Variants in METTL25 observed in about 807,000 individuals in gnomAD.
The protein encoded by METTL25 is probable methyltransferase-like protein 25.
METTL25 carries 64 observed loss-of-function variants against 71.6 expected under a neutral mutation model. That is an observed-to-expected ratio of 0.89 (90% CI 0.73 to 1.10). METTL25 has a LOEUF of 1.10. Ranked by LOEUF, METTL25 falls within the 50% of genes least tolerant of loss-of-function variation. The probability of loss-of-function intolerance (pLI) is 0.00; values close to 1 mark genes in which losing one functional copy is unlikely to be tolerated. For missense variants in METTL25, 807 were observed against 707.0 expected (o/e 1.14, Z -1.60); for synonymous variants, 287 against 250.3 (o/e 1.15, Z -1.38).
At chr12:82,396,751 T>G (rs1222346816) in intron 3 of METTL25, among the ~76,000 whole-genome samples, 10 of 152,100 alleles carry the variant, frequency 6.6e-5, no homozygotes, top group Non-Finnish European at 5.9e-5. Context: ...TTTTCTTGTG[T>G]GATTTTGTAG....
At position 82,403,038 on chromosome 12, in the gene METTL25, G is replaced by A. The variant is rs200057751; in HGVS notation, c.1187G>A (p.Arg396Gln). Residue 396 changes from arginine to glutamine, a missense_variant, in exon 5 of 12, where the codon CGA becomes CAA. Coordinates refer to ENST00000248306, the MANE Select transcript of METTL25 (RefSeq NM_032230.3). ...TCGDLAPNTLRIFTSNSEIKG... is the reference protein window; with the variant it reads ...TCGDLAPNTLQIFTSNSEIKG... The stretch of plus-strand genomic sequence containing the variant: ...GGTGATCTGGCTCCAAATACTTTGC[G>A]AATATTTACCTCCAACTCTGAAATC... 90 of 1,613,126 alleles carry A rather than the reference G, an allele frequency of 5.6e-5. No individual in the cohort carries two copies. The highest frequency in any genetic ancestry group is 6.6e-5 in the Non-Finnish European group (78 of 1,179,342).
chr12:82,441,854 C>T (rs951078839), intron 8 of METTL25, among the ~76,000 whole-genome samples: 3 of 137,030 alleles, frequency 2.2e-5, no homozygotes, highest in African/African-American at 8.3e-5. Flanking sequence ...TGACTCCACT[C>T]TCACCTATGC....
At chr12:82,402,747 A>T (rs1252617398) in intron 4 of METTL25, among the ~76,000 whole-genome samples, 1 of 152,012 alleles carries the variant, frequency 6.6e-6, no homozygotes, top group African/African-American at 2.4e-5. Context: ...AAAATCTTCA[A>T]CTCATGCTGT....
intron 8 of METTL25, among the ~76,000 whole-genome samples, chr12:82,440,142 A>ATATG (rs1051929664): frequency 2.0e-4 from 31 of 152,014 alleles, no homozygotes; most frequent in Admixed American, 9.8e-4. Flanking sequence ...CTGAGCACTC[A>ATATG]TATGTTTTCT....
At chr12:82,405,726 A>G (rs1459305832) in intron 5 of METTL25, among the ~76,000 whole-genome samples, 1 of 152,306 alleles carries the variant, frequency 6.6e-6, no homozygotes, top group Non-Finnish European at 1.5e-5. Context: ...AAGATTGTGC[A>G]TCCACATATT....
At position 82,437,223 on chromosome 12, in the gene METTL25, A is replaced by G. The variant is rs575320089; in HGVS notation, c.1405-1495A>G. Among the ~76,000 whole-genome samples, 60 of 151,756 alleles carry G rather than the reference A, an allele frequency of 4.0e-4. 1 individual carries two copies. In the South Asian group the frequency reaches 0.012, roughly 29 times the overall value. ...GCATTTGTGACAAATTTGGAAAGAG[A>G]TTTTATATAAGAATTGTGCCTTTGA... On this transcript the variant is annotated intron_variant, in intron 7 of 11. Coordinates refer to ENST00000248306, the MANE Select transcript of METTL25 (RefSeq NM_032230.3).
intron 8 of METTL25, among the ~76,000 whole-genome samples, chr12:82,441,230 A>G (rs1268284931): frequency 3.3e-5 from 5 of 151,942 alleles, no homozygotes. Context: ...AGCTGCCTAC[A>G]AGAAATAAAT....
intron 5 of METTL25, among the ~76,000 whole-genome samples, chr12:82,421,660 A>G (rs1333589505): frequency 2.0e-5 from 3 of 152,154 alleles, no homozygotes; most frequent in African/African-American, 4.8e-5. Flanking sequence ...AAGACTAATA[A>G]AGAAGAAAAG....
chr12:82,476,454 A>AT (rs1892885042), intron 9 of METTL25, 190 bp from the exon 10 acceptor site: 2 of 536,398 alleles, frequency 3.7e-6, no homozygotes, highest in Non-Finnish European at 6.6e-6. Context: ...TGCATAACCT[A>AT]TATCAGTGTA....
Position 82,465,659 on chromosome 12 carries a change from A to G in METTL25, c.1572+8839A>G, listed in dbSNP as rs370930125. ...ATTCCCTACACTTTAATTTTTTGCA[A>G]TAGTTTCAAATGAATTGGTATTCAT... On this transcript the variant is annotated intron_variant, in intron 9 of 11. Transcript: ENST00000248306. Among the ~76,000 whole-genome samples, 47 of 152,058 alleles carry G rather than the reference A, an allele frequency of 3.1e-4. 1 individual carries two copies. Among genetic ancestry groups the G allele is most frequent in the African/African-American group, 3.9e-4 (16 of 41,542 alleles).
intron 1 of METTL25, among the ~76,000 whole-genome samples, chr12:82,373,119 G>C (rs548555191): frequency 6.6e-6 from 1 of 152,242 alleles, no homozygotes; most frequent in Admixed American, 6.5e-5. Flanking sequence ...TCGAAAACCT[G>C]TTAGAGTCCT....
chr12:82,428,188 C>T (rs73153526), intron 5 of METTL25, among the ~76,000 whole-genome samples: 9,422 of 151,934 alleles, frequency 0.062, 343 homozygotes, highest in Middle Eastern at 0.12. Flanking sequence ...CATATAATTT[C>T]TGCCCACATT....
chr12:82,448,230 GT>G (rs1172664121), intron 8 of METTL25, among the ~76,000 whole-genome samples: 1 of 151,892 alleles, frequency 6.6e-6, no homozygotes, highest in Non-Finnish European at 1.5e-5. Context: ...TAATAATACT[GT>G]TTTAGAATAA....
chr12:82,460,906 G>A (rs1314282086), intron 9 of METTL25, among the ~76,000 whole-genome samples: 1 of 152,182 alleles, frequency 6.6e-6, no homozygotes, highest in Non-Finnish European at 1.5e-5. Context: ...CACTTTGGGA[G>A]GCCAAGGCGG....
chr12:82,476,574 T>A lies in METTL25; in HGVS notation c.1573-70T>A, dbSNP rs1377274548. 4.1e-6 allele frequency: 4 copies of A among 981,804 alleles called. No homozygotes were observed. In the African/African-American group the frequency reaches 6.6e-5, roughly 16 times the overall value. The allele number at this position is 981,804 out of a possible 1,614,324, so 60.8% of individuals were successfully genotyped here. A position where few individuals can be genotyped will look rare whatever the true frequency, so the allele number is the denominator to read the frequency against. Reference sequence around the variant, plus strand: ...AATTGATGTCATGTTTATTTTACTTTAGGATATGTTTGACAAGGAAAAATA... The same window carrying A: ...AATTGATGTCATGTTTATTTTACTTAAGGATATGTTTGACAAGGAAAAATA... On this transcript the variant is annotated intron_variant, in intron 9 of 11. Transcript: ENST00000248306.
At chr12:82,445,789 T>C (rs1890693235) in intron 8 of METTL25, among the ~76,000 whole-genome samples, 1 of 152,176 alleles carries the variant, frequency 6.6e-6, no homozygotes, top group African/African-American at 2.4e-5. Context: ...GAATCCAGCA[T>C]AAGGACTACT....
intron 1 of METTL25, among the ~76,000 whole-genome samples, chr12:82,382,469 G>A (rs1418331619): frequency 2.0e-5 from 3 of 152,166 alleles, no homozygotes; most frequent in Non-Finnish European, 4.4e-5. Flanking sequence ...CTCAGTGATT[G>A]CTATTACCAT....
chr12:82,423,815 GC>G (rs1794427549), intron 5 of METTL25, among the ~76,000 whole-genome samples: 1 of 152,160 alleles, frequency 6.6e-6, no homozygotes, highest in South Asian at 2.1e-4. Flanking sequence ...TCCGATAAAT[GC>G]AAATCAAAAC....
chr12:82,423,994 T>C lies in METTL25; in HGVS notation c.1280-6899T>C, dbSNP rs1888754714. 3.3e-5 allele frequency among the ~76,000 whole-genome samples: 5 copies of C among 152,276 alleles called. No homozygotes were observed. The South Asian group carries it at 1.0e-3, about 32-fold the overall frequency. On this transcript the variant is annotated intron_variant, in intron 5 of 11. Transcript: ENST00000248306. ...ACAGTGTGGCAATTCCTCAGGTATCTAGAACTAGAAATACCATTTGACCCA... is the reference window on the plus strand; with the variant it reads ...ACAGTGTGGCAATTCCTCAGGTATCCAGAACTAGAAATACCATTTGACCCA...
Sources: gnomAD v4.1 joint callset for allele counts (sites outside exome capture counted in the v4.1 genomes callset) on GRCh38, gnomAD v4.1.1 for gene constraint, MANE v1.5 for transcripts, NCBI Gene and HGNC (gene_info 2026-07-23, HGNC 2026-07-21) for gene names.